The following SKAP1 variants were observed in gnomAD, a reference collection of about 807,000 sequenced individuals.
SKAP1 encodes src kinase-associated phosphoprotein 1.
In SKAP1, 44 loss-of-function variants were observed where a neutral mutation model predicts 58.5. The observed-to-expected ratio is 0.75, with a 90% CI of 0.59 to 0.97. The LOEUF is 0.97. Among genes scored for constraint, SKAP1 ranks in the 50% least tolerant of loss-of-function variants. The pLI is 0.00. For missense variants in SKAP1, 390 were observed against 435.2 expected, an observed-to-expected ratio of 0.90 and a Z score of 0.92; for synonymous variants, 127 against 149.7, an observed-to-expected ratio of 0.85 and a Z score of 1.11.
chr17:48,257,362 A>G (rs911499295), intron 4 of SKAP1, among the ~76,000 whole-genome samples: 1 of 152,130 alleles, frequency 6.6e-6, no homozygotes, highest in Non-Finnish European at 1.5e-5. Flanking sequence ...AACAGTATTT[A>G]GCCAGTTTAC....
chr17:48,226,687 A>C (rs1276126865), intron 4 of SKAP1, among the ~76,000 whole-genome samples: 7 of 152,170 alleles, frequency 4.6e-5, no homozygotes, highest in African/African-American at 1.7e-4. Context: ...CTGTGCATAG[A>C]TCTATCAGAT....
intron 1 of SKAP1, among the ~76,000 whole-genome samples, chr17:48,417,792 G>A (rs2144601426): frequency 6.7e-6 from 1 of 150,160 alleles, no homozygotes; most frequent in Non-Finnish European, 1.5e-5. Context: ...TGTACACTAA[G>A]ATACACAGAT....
At chr17:48,389,655 AGCAGGACT>A (rs2067321909) in intron 2 of SKAP1, among the ~76,000 whole-genome samples, 1 of 152,208 alleles carries the variant, frequency 6.6e-6, no homozygotes, top group Non-Finnish European at 1.5e-5. Context: ...GAGTGTGATA[AGCAGGACT>A]GCATTTCATT....
At chr17:48,247,961 G>GT (rs1317649139) in intron 4 of SKAP1, among the ~76,000 whole-genome samples, 1 of 152,160 alleles carries the variant, frequency 6.6e-6, no homozygotes, top group Non-Finnish European at 1.5e-5. Flanking sequence ...CCAGTAGAAT[G>GT]TAAAACTCCT....
chr17:48,277,581 G>A (rs1159121477), intron 4 of SKAP1, among the ~76,000 whole-genome samples: 1 of 151,900 alleles, frequency 6.6e-6, no homozygotes, highest in Non-Finnish European at 1.5e-5. Context: ...TGGAAATTTG[G>A]GGTTATTAGA....
intron 4 of SKAP1, among the ~76,000 whole-genome samples, chr17:48,229,264 T>C (rs2065101617): frequency 6.6e-6 from 1 of 152,228 alleles, no homozygotes; most frequent in Non-Finnish European, 1.5e-5. Flanking sequence ...AAGAGAATGA[T>C]GATCATCAAC....
chr17:48,226,347 G>T (rs2065067744), intron 4 of SKAP1, among the ~76,000 whole-genome samples: 1 of 148,778 alleles, frequency 6.7e-6, no homozygotes, highest in Non-Finnish European at 1.5e-5. Context: ...CCCAAGATAC[G>T]TTTTTTTTTT....
At chr17:48,338,962 C>T (rs2066612679) in intron 4 of SKAP1, among the ~76,000 whole-genome samples, 1 of 152,116 alleles carries the variant, frequency 6.6e-6, no homozygotes, top group Non-Finnish European at 1.5e-5. Flanking sequence ...GTTTACTTAC[C>T]CTTATCACAG....
At chr17:48,193,737 G>A in intron 4 of SKAP1, 2 of 984,642 alleles carry the variant, frequency 2.0e-6, no homozygotes, top group Non-Finnish European at 2.4e-6. Flanking sequence ...GCCATGGGGT[G>A]ATGAGGCAGG....
chr17:48,428,505 T>G (rs566732501), intron 1 of SKAP1, among the ~76,000 whole-genome samples: 2 of 152,302 alleles, frequency 1.3e-5, no homozygotes, highest in South Asian at 2.1e-4. Context: ...TTTTGAACAA[T>G]GAAGAACTGC....
chr17:48,407,082 T>C (rs531834062), intron 1 of SKAP1, among the ~76,000 whole-genome samples: 1 of 152,172 alleles, frequency 6.6e-6, no homozygotes, highest in Non-Finnish European at 1.5e-5. Context: ...CACTTAAACA[T>C]TAAAAACACA....
At chr17:48,257,925 G>C (rs896905776) in intron 4 of SKAP1, among the ~76,000 whole-genome samples, 1 of 151,994 alleles carries the variant, frequency 6.6e-6, no homozygotes, top group Non-Finnish European at 1.5e-5. Context: ...TGCTCACAAA[G>C]GAAGAGCAGC....
intron 1 of SKAP1, among the ~76,000 whole-genome samples, chr17:48,427,043 A>T (rs1444952694): frequency 6.6e-6 from 1 of 152,154 alleles, no homozygotes; most frequent in African/African-American, 2.4e-5. Flanking sequence ...GGTCATTGTC[A>T]CAATTCAAAC....
chr17:48,369,948 A>G (rs2067061625), intron 2 of SKAP1, among the ~76,000 whole-genome samples: 1 of 152,248 alleles, frequency 6.6e-6, no homozygotes. Context: ...AAAATAATTC[A>G]GTGACTCAGT....
At chr17:48,401,857 G>A (rs975506029) in intron 1 of SKAP1, among the ~76,000 whole-genome samples, 5 of 152,114 alleles carry the variant, frequency 3.3e-5, no homozygotes, top group Admixed American at 2.0e-4. Context: ...TGAGAGAAAA[G>A]CTTTTGCAAA....
At chr17:48,420,039 A>G (rs1301162641) in intron 1 of SKAP1, among the ~76,000 whole-genome samples, 2 of 152,206 alleles carry the variant, frequency 1.3e-5, no homozygotes, top group African/African-American at 4.8e-5. Flanking sequence ...CTGAAAATCC[A>G]TCTGTTATAA....
At chr17:48,284,560 C>T (rs553621762) in intron 4 of SKAP1, among the ~76,000 whole-genome samples, 1 of 152,012 alleles carries the variant, frequency 6.6e-6, no homozygotes, top group East Asian at 1.9e-4. Flanking sequence ...TCATCATGTT[C>T]AAAAACAGCT....
At chr17:48,151,462 C>G (rs898106371) in intron 11 of SKAP1, among the ~76,000 whole-genome samples, 1 of 152,158 alleles carries the variant, frequency 6.6e-6, no homozygotes, top group African/African-American at 2.4e-5. Context: ...TAATCCTCAT[C>G]CACAAAAAGA....
chr17:48,325,566 T>C (rs1369363809), intron 4 of SKAP1, among the ~76,000 whole-genome samples: 2 of 152,212 alleles, frequency 1.3e-5, no homozygotes, highest in Non-Finnish European at 2.9e-5. Context: ...TGCAGATTAG[T>C]GTCAGAACTC....
Sources: gnomAD v4.1 joint callset for allele counts (sites outside exome capture counted in the v4.1 genomes callset) on GRCh38, gnomAD v4.1.1 for gene constraint, MANE v1.5 for transcripts, NCBI Gene and HGNC (gene_info 2026-07-23, HGNC 2026-07-21) for gene names.